RBPMS: variants seen among roughly 807,000 people sequenced by gnomAD.
The protein encoded by RBPMS is RNA binding protein, mRNA processing factor, also known as RNA-binding protein with multiple splicing.
Under a neutral mutation model 26.8 loss-of-function variants are expected in RBPMS, and 7 were observed. The observed-to-expected ratio is 0.26, with a 90% CI of 0.15 to 0.49. RBPMS has a LOEUF of 0.49. Among genes scored for constraint, RBPMS ranks in the 20% least tolerant of loss-of-function variants. The pLI, the probability that RBPMS is intolerant of heterozygous loss-of-function variation, is 0.98. For synonymous variants in RBPMS, 96 were observed against 93.3 expected, an observed-to-expected ratio of 1.03 and a Z score of -0.17; for missense variants, 186 against 250.0, an observed-to-expected ratio of 0.74 and a Z score of 1.73.
At chr8:30,446,177 T>C (rs1485907531) in intron 1 of RBPMS, among the ~76,000 whole-genome samples, 1 of 152,210 alleles carries the variant, frequency 6.6e-6, no homozygotes, top group Non-Finnish European at 1.5e-5. Flanking sequence ...TAAAGATGAT[T>C]TTATCGTTTT....
chr8:30,421,970 A>C (rs1161813966), intron 1 of RBPMS, among the ~76,000 whole-genome samples: 1 of 151,598 alleles, frequency 6.6e-6, no homozygotes, highest in Non-Finnish European at 1.5e-5. Context: ...AGAAAAAAGA[A>C]AAAAAAAGCT....
intron 1 of RBPMS, among the ~76,000 whole-genome samples, chr8:30,420,386 A>G (rs536242967): frequency 6.6e-6 from 1 of 152,358 alleles, no homozygotes; most frequent in South Asian, 2.1e-4. Context: ...GCTAATCTAT[A>G]AGTCAGCTGG....
chr8:30,547,184 T>G, intron 6 of RBPMS: 1 of 791,056 alleles, frequency 1.3e-6, no homozygotes, highest in Non-Finnish European at 2.1e-6. Flanking sequence ...GAGAATTCAG[T>G]CTTTGTTTTG....
intron 6 of RBPMS, among the ~76,000 whole-genome samples, chr8:30,551,675 G>A (rs776662755): frequency 6.6e-6 from 1 of 152,272 alleles, no homozygotes; most frequent in African/African-American, 2.4e-5. Context: ...GTCTGCGCTC[G>A]GCTCTTCCCT....
chr8:30,491,551 A>C (rs900449010), intron 4 of RBPMS, among the ~76,000 whole-genome samples: 1 of 152,122 alleles, frequency 6.6e-6, no homozygotes. Context: ...TTGGAGGCCT[A>C]TTGCGGTCTA....
chr8:30,558,694 TA>T, intron 6 of RBPMS, 192 bp from the exon 7 acceptor site: 1 of 652,386 alleles, frequency 1.5e-6, no homozygotes, highest in South Asian at 1.7e-5. Flanking sequence ...TGTGTGTTCA[TA>T]ATGGTGTGTG....
chr8:30,489,740 G>C (rs1008202896), intron 4 of RBPMS, among the ~76,000 whole-genome samples: 1 of 152,112 alleles, frequency 6.6e-6, no homozygotes, highest in African/African-American at 2.4e-5. Context: ...ACCGTGCCTG[G>C]CTAAAGTCTT....
chr8:30,388,952 C>A (rs187733725), intron 1 of RBPMS, among the ~76,000 whole-genome samples: 1 of 152,106 alleles, frequency 6.6e-6, no homozygotes, highest in Non-Finnish European at 1.5e-5. Flanking sequence ...TTAATACAAA[C>A]CTTTACTTTG....
At chr8:30,568,068 G>A (rs1361431671) in intron 8 of RBPMS, among the ~76,000 whole-genome samples, 1 of 152,214 alleles carries the variant, frequency 6.6e-6, no homozygotes, top group Admixed American at 6.5e-5. Flanking sequence ...AGAGGCTCCA[G>A]AGACCGTGAA....
chr8:30,565,135 CAAGT>C (rs1355547931), intron 7 of RBPMS: 2 of 152,196 alleles, frequency 1.3e-5, no homozygotes, highest in Non-Finnish European at 2.9e-5. Context: ...TTCCTGTTCT[CAAGT>C]AACCCAACTT....
chr8:30,504,231 C>G, intron 4 of RBPMS, 55 bp from the exon 5 acceptor site: 1 of 1,599,438 alleles, frequency 6.3e-7, no homozygotes, highest in Non-Finnish European at 8.6e-7. Context: ...TGTCACCATT[C>G]CGGTTTGACT....
chr8:30,385,171 T>G lies in RBPMS; in HGVS notation c.66+13T>G. ...TCAGGAGGAGGAGGTACTGGGCGGCTCGGTGTGGTGGCGGGGGCGACGCGG... is the reference window on the plus strand; with the variant it reads ...TCAGGAGGAGGAGGTACTGGGCGGCGCGGTGTGGTGGCGGGGGCGACGCGG... On this transcript the variant is annotated intron_variant, in intron 1 of 8. Coordinates refer to ENST00000397323, the MANE Select transcript of RBPMS (RefSeq NM_001008710.3). The G allele has an allele frequency of 6.8e-7, 1 of 1,480,574 alleles. No homozygotes were observed. The highest frequency in any genetic ancestry group is 9.0e-7 in the Non-Finnish European group (1 of 1,112,994). The allele number at this position is 1,480,574 out of a possible 1,614,324, so 91.7% of individuals were successfully genotyped here.
intron 4 of RBPMS, among the ~76,000 whole-genome samples, 174 bp from the exon 5 acceptor site, chr8:30,504,112 C>T (rs962516401): frequency 5.3e-5 from 8 of 152,168 alleles, no homozygotes; most frequent in Admixed American, 3.9e-4. Context: ...CACTGACTTT[C>T]GGGACACTTT....
chr8:30,455,219 C>T (rs915015018), intron 1 of RBPMS, among the ~76,000 whole-genome samples: 7 of 152,128 alleles, frequency 4.6e-5, no homozygotes, highest in African/African-American at 1.7e-4. Context: ...AACTAAATTC[C>T]TGACCATTTC....
At chr8:30,495,095 T>A (rs1402395580) in intron 4 of RBPMS, among the ~76,000 whole-genome samples, 1 of 152,188 alleles carries the variant, frequency 6.6e-6, no homozygotes, top group Non-Finnish European at 1.5e-5. Context: ...TATTCTTTTA[T>A]AACACTTAGC....
rs60091304 is a variant in RBPMS, at chr8:30,533,460, T to C, written c.398-11034T>C. On this transcript the variant is annotated intron_variant, in intron 5 of 8. Coordinates refer to ENST00000397323, the MANE Select transcript of RBPMS (RefSeq NM_001008710.3). Reference sequence around the variant, plus strand: ...GGGCACTTTTGAGATGTCCACACTTTGTTGCTAGCAGCTTTGTTACCTGTG... The same window carrying C: ...GGGCACTTTTGAGATGTCCACACTTCGTTGCTAGCAGCTTTGTTACCTGTG... Among the ~76,000 whole-genome samples, 601 of 152,340 alleles carry C rather than the reference T, an allele frequency of 3.9e-3. 3 individuals are homozygous for C. The highest frequency in any genetic ancestry group is 0.013 in the African/African-American group (554 of 41,580).
At chr8:30,549,499 G>T (rs1826121819) in intron 6 of RBPMS, 1 of 1,611,218 alleles carries the variant, frequency 6.2e-7, no homozygotes, top group Non-Finnish European at 8.5e-7. Flanking sequence ...TCAACCTGCA[G>T]CTCTGTGAAG....
At chr8:30,561,176 C>A (rs570716383) in intron 7 of RBPMS, among the ~76,000 whole-genome samples, 171 of 151,958 alleles carry the variant, frequency 1.1e-3, no homozygotes, top group Non-Finnish European at 1.8e-3. Flanking sequence ...GATTTTTTTG[C>A]TCCAGGGAAT....
chr8:30,532,743 C>T (rs1724142788), intron 5 of RBPMS, among the ~76,000 whole-genome samples: 2 of 152,194 alleles, frequency 1.3e-5, no homozygotes, highest in African/African-American at 4.8e-5. Context: ...CATCTCCTCA[C>T]CCTCCAAAGA....
Sources: allele counts gnomAD v4.1 joint callset (sites outside exome capture counted in the v4.1 genomes callset), GRCh38; gene constraint gnomAD v4.1.1; transcripts MANE v1.5; gene names NCBI Gene and HGNC (gene_info 2026-07-23, HGNC 2026-07-21).